MIR2052HG: variants seen among roughly 807,000 people sequenced by gnomAD.
The protein encoded by MIR2052HG is MIR2052 host gene.
At chr8:74,647,169 A>G (rs553141429) in intron 2 of MIR2052HG, among the ~76,000 whole-genome samples, 44 of 152,292 alleles carry the variant, frequency 2.9e-4, no homozygotes, top group African/African-American at 1.1e-3. Flanking sequence ...TATATGCAAT[A>G]TATGGCCTTT....
intron 4 of MIR2052HG, among the ~76,000 whole-genome samples, chr8:74,734,257 C>A (rs1809724656): frequency 1.3e-5 from 2 of 152,118 alleles, no homozygotes; most frequent in South Asian, 4.1e-4. Context: ...GCAACAAAAG[C>A]AACTTCTAGG....
At chr8:74,612,693 A>T (rs1225196236) in intron 1 of MIR2052HG, 7 of 332,572 alleles carry the variant, frequency 2.1e-5, no homozygotes, top group Non-Finnish European at 4.2e-5. Context: ...CTGAATAACT[A>T]AACTACTAGT....
intron 2 of MIR2052HG, among the ~76,000 whole-genome samples, chr8:74,658,728 G>A (rs1022454249): frequency 6.6e-6 from 1 of 152,174 alleles, no homozygotes; most frequent in Non-Finnish European, 1.5e-5. Context: ...CTGACACACA[G>A]TAGGTGCTCA....
At chr8:74,712,662 G>T (rs1248529445) in intron 4 of MIR2052HG, among the ~76,000 whole-genome samples, 5 of 150,694 alleles carry the variant, frequency 3.3e-5, no homozygotes, top group African/African-American at 9.8e-5. Flanking sequence ...ACTGCTCAAA[G>T]GTTGGCCTCA....
chr8:74,620,227 A>G (rs1001725074), intron 2 of MIR2052HG, among the ~76,000 whole-genome samples: 4 of 152,184 alleles, frequency 2.6e-5, no homozygotes, highest in African/African-American at 9.7e-5. Flanking sequence ...GATACAACCC[A>G]TCCTGGCTGC....
intron 2 of MIR2052HG, among the ~76,000 whole-genome samples, chr8:74,687,521 G>A (rs999955464): frequency 6.6e-6 from 1 of 152,090 alleles, no homozygotes; most frequent in Admixed American, 6.6e-5. Flanking sequence ...CATAAAAGAA[G>A]GGAATCCTGC....
intron 1 of MIR2052HG, among the ~76,000 whole-genome samples, chr8:74,602,705 C>T (rs982377613): frequency 1.3e-5 from 2 of 151,246 alleles, no homozygotes; most frequent in African/African-American, 4.9e-5. Flanking sequence ...TAAGCAGAGA[C>T]GGAGTTTCAC....
chr8:74,667,747 C>T (rs79851849), intron 2 of MIR2052HG, among the ~76,000 whole-genome samples: 1,947 of 152,154 alleles, frequency 0.013, 30 homozygotes, highest in African/African-American at 0.045. Context: ...CTTTAACCAC[C>T]GCAGCACTCC....
intron 3 of MIR2052HG, among the ~76,000 whole-genome samples, chr8:74,703,336 A>G (rs1268071472): frequency 2.0e-5 from 3 of 152,088 alleles, no homozygotes; most frequent in African/African-American, 7.2e-5. Context: ...ATAAGTACAT[A>G]CTGTGAATCT....
At chr8:74,708,572 C>G (rs1403714381) in intron 4 of MIR2052HG, among the ~76,000 whole-genome samples, 1 of 152,038 alleles carries the variant, frequency 6.6e-6, no homozygotes, top group Non-Finnish European at 1.5e-5. Context: ...TGGACCCCCT[C>G]CTTTGTTACT....
chr8:74,680,333 A>G (rs1809108940), intron 2 of MIR2052HG, among the ~76,000 whole-genome samples: 1 of 152,160 alleles, frequency 6.6e-6, no homozygotes. Flanking sequence ...ATAGAAAGAC[A>G]CAATGTCACA....
intron 4 of MIR2052HG, among the ~76,000 whole-genome samples, chr8:74,730,320 A>T (rs1586925677): frequency 6.6e-6 from 1 of 152,162 alleles, no homozygotes; most frequent in African/African-American, 2.4e-5. Flanking sequence ...CAAAAAGCTA[A>T]ATTTTCTCTT....
intron 2 of MIR2052HG, among the ~76,000 whole-genome samples, chr8:74,670,640 C>G (rs915044024): frequency 3.9e-5 from 6 of 151,974 alleles, no homozygotes; most frequent in Non-Finnish European, 7.4e-5. Flanking sequence ...GATACTTAAA[C>G]AAAACATGGA....
rs576867699 is a variant in MIR2052HG, at chr8:74,727,819, G to A, written n.371+24137G>A. 4.6e-5 allele frequency among the ~76,000 whole-genome samples: 7 copies of A among 152,296 alleles called. No homozygotes were observed. In the South Asian group the frequency reaches 1.0e-3, roughly 23 times the overall value. ...ATTATTTTCTTGTCATGATTCTTGGGTGTGGTGACACTTGTTGGCTTTTCT... is the reference window on the plus strand; with the variant it reads ...ATTATTTTCTTGTCATGATTCTTGGATGTGGTGACACTTGTTGGCTTTTCT... On this transcript the variant is annotated intron_variant and non_coding_transcript_variant, in intron 4 of 6. Transcript: ENST00000523442.
At chr8:74,734,669 G>A (rs1047872717) in intron 4 of MIR2052HG, among the ~76,000 whole-genome samples, 4 of 152,244 alleles carry the variant, frequency 2.6e-5, no homozygotes, top group South Asian at 2.1e-4. Context: ...AAGGGAACCC[G>A]TGCTGGCACG....
chr8:74,609,089 T>C (rs1172853744), intron 1 of MIR2052HG, among the ~76,000 whole-genome samples: 1 of 151,974 alleles, frequency 6.6e-6, no homozygotes, highest in East Asian at 1.9e-4. Context: ...ATATGCAAAT[T>C]ACCAGTGTCA....
At chr8:74,708,091 CTCTA>C (rs917576242) in intron 4 of MIR2052HG, among the ~76,000 whole-genome samples, 1 of 152,074 alleles carries the variant, frequency 6.6e-6, no homozygotes. Flanking sequence ...CTTCGGCTTT[CTCTA>C]TCTGTGAGCC....
intron 1 of MIR2052HG, among the ~76,000 whole-genome samples, chr8:74,602,637 A>G (rs1453644747): frequency 6.7e-6 from 1 of 150,086 alleles, no homozygotes; most frequent in Non-Finnish European, 1.5e-5. Context: ...TCAGCCTCCC[A>G]AGTAGCTAGG....
intron 1 of MIR2052HG, among the ~76,000 whole-genome samples, chr8:74,600,864 G>A (rs376483126): frequency 1.3e-5 from 2 of 152,198 alleles, no homozygotes; most frequent in East Asian, 1.9e-4. Flanking sequence ...GTGAGCCACC[G>A]CGCCTGGCCT....
Sources: gnomAD v4.1 joint callset for allele counts (sites outside exome capture counted in the v4.1 genomes callset) on GRCh38, gnomAD v4.1.1 for gene constraint, MANE v1.5 for transcripts, NCBI Gene and HGNC (gene_info 2026-07-23, HGNC 2026-07-21) for gene names.